Variants in IL1RAPL1 observed in about 807,000 individuals in gnomAD.
The protein encoded by IL1RAPL1 is interleukin 1 receptor accessory protein like 1, also known as interleukin-1 receptor accessory protein-like 1.
Under a neutral mutation model 48.4 loss-of-function variants are expected in IL1RAPL1, and 3 were observed. That is an observed-to-expected ratio of 0.06 (90% CI 0.03 to 0.16). IL1RAPL1 has a LOEUF of 0.16. Among genes scored for constraint, IL1RAPL1 ranks in the 10% least tolerant of loss-of-function variants. The pLI is 1.00. For synonymous variants in IL1RAPL1, 185 were observed against 187.7 expected (o/e 0.99, Z 0.12); for missense variants, 349 against 530.6 (o/e 0.66, Z 3.36).
intron 2 of IL1RAPL1, among the ~76,000 whole-genome samples, chrX:29,037,899 C>T (rs1304439644): frequency 2.7e-5 from 3 of 111,624 alleles, no homozygotes; most frequent in Non-Finnish European, 5.6e-5. Context: ...CAATATGGAA[C>T]ACCTCTGACA....
At chrX:29,770,346 C>CT (rs1208132959) in intron 6 of IL1RAPL1, among the ~76,000 whole-genome samples, 193 of 109,995 alleles carry the variant, frequency 1.8e-3, no homozygotes, top group Non-Finnish European at 3.2e-3. Context: ...AAACAAAATG[C>CT]TTTTTTTTTA....
intron 1 of IL1RAPL1, among the ~76,000 whole-genome samples, chrX:28,622,257 T>C (rs750139644): frequency 4.5e-5 from 5 of 111,704 alleles, no homozygotes; most frequent in Non-Finnish European, 7.5e-5. Context: ...ATAGTATCTG[T>C]TTTGGCCTTT....
intron 6 of IL1RAPL1, among the ~76,000 whole-genome samples, chrX:29,805,277 C>A (rs1354098200): frequency 8.9e-6 from 1 of 111,749 alleles, no homozygotes; most frequent in Non-Finnish European, 1.9e-5. Context: ...TATCACTCAT[C>A]ATTTCACTCA....
chrX:29,281,620 C>G (rs1932203149), intron 2 of IL1RAPL1, among the ~76,000 whole-genome samples: 1 of 111,651 alleles, frequency 9.0e-6, no homozygotes, highest in Non-Finnish European at 1.9e-5. Flanking sequence ...TCCCAGAGCT[C>G]AACTCACTTT....
At chrX:29,503,305 A>G (rs1232793389) in intron 5 of IL1RAPL1, among the ~76,000 whole-genome samples, 3 of 111,265 alleles carry the variant, frequency 2.7e-5, no homozygotes, top group East Asian at 2.8e-4. Flanking sequence ...AGGGTCTCCT[A>G]TATTCCAGGG....
intron 2 of IL1RAPL1, among the ~76,000 whole-genome samples, chrX:29,010,078 A>G (rs748022398): frequency 1.8e-5 from 2 of 112,341 alleles, no homozygotes; most frequent in Admixed American, 9.5e-5. Flanking sequence ...GTGTATAGAA[A>G]TGCTACAAAT....
At chrX:29,896,557 T>C (rs1259356897) in intron 6 of IL1RAPL1, among the ~76,000 whole-genome samples, 2 of 112,720 alleles carry the variant, frequency 1.8e-5, no homozygotes, top group Admixed American at 1.9e-4. Flanking sequence ...GGCTAAGCAG[T>C]CTCCACAAAG....
chrX:29,833,300 T>C (rs1029597262), intron 6 of IL1RAPL1, among the ~76,000 whole-genome samples: 9 of 111,878 alleles, frequency 8.0e-5, no homozygotes, highest in African/African-American at 1.9e-4. Flanking sequence ...TCTCTCTACC[T>C]TGCTGCATTC....
chrX:29,875,889 C>T (rs1350656306), intron 6 of IL1RAPL1, among the ~76,000 whole-genome samples: 2 of 111,179 alleles, frequency 1.8e-5, no homozygotes, highest in African/African-American at 6.5e-5. Flanking sequence ...CCCCAGTTCA[C>T]GTTTGTTTCT....
intron 1 of IL1RAPL1, among the ~76,000 whole-genome samples, chrX:28,679,280 C>T (rs1935031794): frequency 9.0e-6 from 1 of 111,643 alleles, no homozygotes; most frequent in African/African-American, 3.3e-5. Flanking sequence ...ATCCTTTGCC[C>T]ATTTTTATTC....
chrX:28,737,073 T>G (rs200218761), intron 1 of IL1RAPL1, among the ~76,000 whole-genome samples: 3 of 51,070 alleles, frequency 5.9e-5, no homozygotes, highest in African/African-American at 2.4e-4. Flanking sequence ...TTTTCTTTTC[T>G]TTTCTTTTCT....
intron 3 of IL1RAPL1, among the ~76,000 whole-genome samples, chrX:29,313,151 A>T (rs1932751010): frequency 9.0e-6 from 1 of 111,476 alleles, no homozygotes; most frequent in African/African-American, 3.3e-5. Context: ...AAATTTCTCT[A>T]TATAATCTAC....
chrX:28,829,629 G>A (rs1342711547), intron 2 of IL1RAPL1, among the ~76,000 whole-genome samples: 18 of 105,028 alleles, frequency 1.7e-4, no homozygotes, highest in African/African-American at 5.9e-4. Flanking sequence ...GCACAATCTC[G>A]GCTCACTTCA....
chrX:29,683,384 C>T (rs1926520680), intron 6 of IL1RAPL1, among the ~76,000 whole-genome samples: 3 of 112,317 alleles, frequency 2.7e-5, no homozygotes, highest in Non-Finnish European at 3.8e-5. Context: ...TGTCAGCTCT[C>T]GTTCTAATGA....
rs1234107078 is a variant in IL1RAPL1 at position 29,283,151 on chromosome X, A to G, written c.296A>G (p.Glu99Gly). ...IAFDGSRMSK[E>G]EDSIWFRPTL... ...TTTGACGGAAGTAGAATGAGCAAAG[A>G]AGAAGACTCCATTTGGTTCCGGCCA... Residue 99 changes from glutamate to glycine, a missense_variant, in exon 3 of 11, where the codon GAA (glutamate) becomes GGA (glycine). By Grantham distance (98) the Glu-to-Gly change is moderately conservative. Coordinates refer to ENST00000378993, the MANE Select transcript of IL1RAPL1 (RefSeq NM_014271.4). The G allele has an allele frequency of 8.3e-7, 1 of 1,209,931 alleles. No homozygotes were observed. The highest frequency in any genetic ancestry group is 1.1e-6 in the Non-Finnish European group (1 of 895,110).
chrX:29,523,256 A>C (rs754741474), intron 5 of IL1RAPL1, among the ~76,000 whole-genome samples: 1 of 111,298 alleles, frequency 9.0e-6, no homozygotes. Flanking sequence ...GGTTTTTGGT[A>C]ATTCAGCATA....
chrX:28,971,321 A>G (rs1925065363), intron 2 of IL1RAPL1, among the ~76,000 whole-genome samples: 1 of 112,482 alleles, frequency 8.9e-6, no homozygotes. Flanking sequence ...ATTTTTGTTT[A>G]TAGTCTTAAA....
At chrX:29,799,923 C>A (rs1929833484) in intron 6 of IL1RAPL1, among the ~76,000 whole-genome samples, 1 of 112,071 alleles carries the variant, frequency 8.9e-6, no homozygotes, top group South Asian at 3.7e-4. Flanking sequence ...AAGTGTACAA[C>A]CTGTTCATTT....
At chrX:28,879,127 TTTTA>T (rs1307047046) in intron 2 of IL1RAPL1, among the ~76,000 whole-genome samples, 2 of 112,100 alleles carry the variant, frequency 1.8e-5, no homozygotes, top group African/African-American at 6.5e-5. Flanking sequence ...TTTATGGTTC[TTTTA>T]TTTTTCTCTT....
Sources: allele counts gnomAD v4.1 joint callset (sites outside exome capture counted in the v4.1 genomes callset), GRCh38; gene constraint gnomAD v4.1.1; transcripts MANE v1.5; gene names NCBI Gene and HGNC (gene_info 2026-07-23, HGNC 2026-07-21).